The following ANTXR1 variants were observed in gnomAD, a reference collection of about 807,000 sequenced individuals.
ANTXR1 encodes the protein anthrax toxin receptor 1.
A neutral mutation model predicts 78.1 loss-of-function variants in ANTXR1; 19 were observed. The observed-to-expected ratio is 0.24, with a 90% CI of 0.17 to 0.36. The LOEUF (loss-of-function observed/expected upper bound fraction) is 0.36, where lower values mean the gene tolerates loss of function less well. Among genes scored for constraint, ANTXR1 ranks in the 10% least tolerant of loss-of-function variants. The pLI is 1.00. For missense variants in ANTXR1, 518 were observed against 718.6 expected (o/e 0.72, Z 3.19); for synonymous variants, 273 against 260.5 (o/e 1.05, Z -0.46).
chr2:69,045,597 A>G (rs1410642205), intron 3 of ANTXR1, among the ~76,000 whole-genome samples: 1 of 152,174 alleles, frequency 6.6e-6, no homozygotes, highest in Non-Finnish European at 1.5e-5. Context: ...AGGAAGGGCC[A>G]GTACAGGGGG....
intron 13 of ANTXR1, among the ~76,000 whole-genome samples, chr2:69,160,433 T>C (rs1673650403): frequency 6.6e-6 from 1 of 152,212 alleles, no homozygotes; most frequent in Non-Finnish European, 1.5e-5. Context: ...TGTGAAAAAC[T>C]AGAAAATTGG....
intron 3 of ANTXR1, among the ~76,000 whole-genome samples, chr2:69,045,631 C>T (rs149760211): frequency 1.4e-4 from 22 of 152,208 alleles, no homozygotes; most frequent in Middle Eastern, 3.4e-3. Flanking sequence ...TATTCTCTAA[C>T]GTTCTTATAG....
At chr2:69,106,960 C>T (rs1028708879) in intron 10 of ANTXR1, among the ~76,000 whole-genome samples, 3 of 152,128 alleles carry the variant, frequency 2.0e-5, no homozygotes, top group Non-Finnish European at 1.5e-5. Context: ...AAAGAATACT[C>T]ATCAAAAGCA....
At chr2:69,032,757 T>TTGTGTG (rs138530675) in intron 1 of ANTXR1, among the ~76,000 whole-genome samples, 17 of 151,262 alleles carry the variant, frequency 1.1e-4, no homozygotes, top group African/African-American at 3.9e-4. Context: ...TGTACATGTG[T>TTGTGTG]TGTGTGTGTG....
chr2:69,236,375 TAC>T (rs1348251346), intron 17 of ANTXR1, among the ~76,000 whole-genome samples: 1 of 152,202 alleles, frequency 6.6e-6, no homozygotes, highest in African/African-American at 2.4e-5. Context: ...TTTACATATA[TAC>T]ACACACATTT....
At chr2:69,170,365 C>CA in intron 14 of ANTXR1, 76 bp downstream of exon 14, 1 of 1,535,172 alleles carries the variant, frequency 6.5e-7, no homozygotes, top group Non-Finnish European at 9.0e-7. Flanking sequence ...GGCAGCTGGA[C>CA]ACTTAGCCCC....
At chr2:69,036,250 A>T (rs921465898) in intron 1 of ANTXR1, among the ~76,000 whole-genome samples, 51 of 152,132 alleles carry the variant, frequency 3.4e-4, no homozygotes, top group African/African-American at 1.2e-3. Context: ...TACATAGTGG[A>T]TGTATATATT....
chr2:69,181,695 AT>A, intron 14 of ANTXR1, 90 bp from the exon 15 acceptor site: 1 of 1,258,308 alleles, frequency 7.9e-7, no homozygotes, highest in South Asian at 1.2e-5. Flanking sequence ...GTCTGACTCT[AT>A]AAGCTCTACT....
chr2:69,124,714 A>T, intron 12 of ANTXR1, 71 bp downstream of exon 12: 11 of 1,550,874 alleles, frequency 7.1e-6, no homozygotes, highest in Middle Eastern at 1.7e-4. Context: ...TTAAGCAGTA[A>T]TCTTCTCCAA....
At position 69,245,407 on chromosome 2, in the gene ANTXR1, C is replaced by T. The variant is rs369009110; in HGVS notation, c.1617C>T (p.Thr539=). ...PTPPIPSPPS[T]LPPPPQAPPP... ...CTCCCATCCCGTCCCCACCTTCCAC[C>T]CTTCCCCCTCCTCCCCAGGCTCCAC... The change falls in exon 18 of 18, where the codon ACC becomes ACT. Residue 539 remains threonine, a synonymous_variant. Transcript: ENST00000303714. 1 of 1,576,672 alleles carries T rather than the reference C, an allele frequency of 6.3e-7. No homozygotes were observed. Among genetic ancestry groups the T allele is most frequent in the Non-Finnish European group, 8.6e-7 (1 of 1,161,582 alleles).
rs547432395 is a variant in ANTXR1, at chr2:69,111,667, A to G, written c.802+8727A>G. Among the ~76,000 whole-genome samples, 11 of 152,340 alleles carry G rather than the reference A, an allele frequency of 7.2e-5. No individual in the cohort carries two copies. The East Asian group carries it at 1.9e-3, about 27-fold the overall frequency. On this transcript the variant is annotated intron_variant, in intron 10 of 17. Transcript: ENST00000303714. ...CTCTCAAAGGATAAAGCTTTGTCCC[A>G]TTTGAACATATTTCCCCAAACTGAA...
Position 69,075,528 on chromosome 2 carries a change from C to T in ANTXR1, c.493-62C>T, listed in dbSNP as rs192524971. Reference sequence around the variant, plus strand: ...CTCATCATTGAAGTTAGTCAGGTAGCTCCAAGAGGAGTTCATTTGTCACTG... The same window carrying T: ...CTCATCATTGAAGTTAGTCAGGTAGTTCCAAGAGGAGTTCATTTGTCACTG... On this transcript the variant is annotated intron_variant, in intron 6 of 17. Transcript: ENST00000303714. 9 of 1,507,876 alleles carry T rather than the reference C, an allele frequency of 6.0e-6. No homozygotes were observed. The Admixed American group carries it at 1.2e-4, about 20-fold the overall frequency. The allele number at this position is 1,507,876 out of a possible 1,614,324, so 93.4% of individuals were successfully genotyped here.
chr2:69,072,240 C>T (rs1197517416), intron 5 of ANTXR1, among the ~76,000 whole-genome samples: 1 of 152,118 alleles, frequency 6.6e-6, no homozygotes, highest in Non-Finnish European at 1.5e-5. Context: ...GAAAAAACTG[C>T]ATAAAATATA....
intron 13 of ANTXR1, among the ~76,000 whole-genome samples, chr2:69,164,996 G>A (rs4602255): frequency 0.59 from 90,469 of 152,066 alleles, 29,502 homozygotes; most frequent in East Asian, 0.9. Context: ...TGGGGCTCCA[G>A]GAAATAAGCT....
chr2:69,020,376 AAAAT>A (rs1671148795), intron 1 of ANTXR1, among the ~76,000 whole-genome samples: 1 of 151,554 alleles, frequency 6.6e-6, no homozygotes, highest in Admixed American at 6.6e-5. Context: ...GTCAAAAATA[AAAAT>A]AAATAAGGCA....
At position 69,163,582 on chromosome 2, in the gene ANTXR1, C is replaced by T. The variant is rs187882385; in HGVS notation, c.1048-6666C>T. Among the ~76,000 whole-genome samples, 273 of 152,328 alleles carry T rather than the reference C, an allele frequency of 1.8e-3. 1 individual carries two copies. Among genetic ancestry groups the T allele is most frequent in the South Asian group, 9.3e-3 (45 of 4,824 alleles). On this transcript the variant is annotated intron_variant, in intron 13 of 17. Transcript: ENST00000303714. ...TCTTTACAAACATCTCCTGCACAGG[C>T]TGAAGGCTTTCCTCCCTCATTCAAC...
chr2:69,186,053 C>T (rs1045438873), intron 16 of ANTXR1, among the ~76,000 whole-genome samples: 2 of 152,080 alleles, frequency 1.3e-5, no homozygotes, highest in Admixed American at 6.5e-5. Context: ...TGCTTTGAAT[C>T]CCCAGTAAAC....
intron 1 of ANTXR1, among the ~76,000 whole-genome samples, chr2:69,029,052 T>A (rs1047176884): frequency 9.7e-5 from 11 of 112,918 alleles, no homozygotes; most frequent in Non-Finnish European, 1.7e-4. Context: ...CCCCCCCCCC[T>A]CCATCTCTAC....
chr2:69,119,783 GT>G (rs1244724481), intron 10 of ANTXR1, among the ~76,000 whole-genome samples: 1 of 152,220 alleles, frequency 6.6e-6, no homozygotes, highest in East Asian at 1.9e-4. Flanking sequence ...GGCTGCCTGG[GT>G]GCAGATCCAA....
Sources: gnomAD v4.1 joint callset for allele counts (sites outside exome capture counted in the v4.1 genomes callset) on GRCh38, gnomAD v4.1.1 for gene constraint, MANE v1.5 for transcripts, NCBI Gene and HGNC (gene_info 2026-07-23, HGNC 2026-07-21) for gene names.